NLN: variants seen among roughly 807,000 people sequenced by gnomAD.
NLN encodes the protein neurolysin.
NLN carries 64 observed loss-of-function variants against 79.9 expected under a neutral mutation model. The ratio of observed to expected loss-of-function variants is 0.80; its 90% CI spans 0.65 to 0.99. The LOEUF (loss-of-function observed/expected upper bound fraction) is 0.99, where lower values mean the gene tolerates loss of function less well. Ranked by LOEUF, NLN falls within the 50% of genes least tolerant of loss-of-function variation. NLN has a pLI of 0.00. For synonymous variants in NLN, 267 were observed against 296.6 expected, an observed-to-expected ratio of 0.90 and a Z score of 1.02; for missense variants, 835 against 858.7, an observed-to-expected ratio of 0.97 and a Z score of 0.34.
intron 1 of NLN, among the ~76,000 whole-genome samples, chr5:65,723,517 T>A (rs1758369170): frequency 6.6e-6 from 1 of 152,034 alleles, no homozygotes; most frequent in Non-Finnish European, 1.5e-5. Context: ...TAAATCTTCA[T>A]ATAAGAGCAA....
intron 2 of NLN, among the ~76,000 whole-genome samples, chr5:65,762,732 C>G (rs776072598): frequency 3.3e-5 from 5 of 151,886 alleles, no homozygotes; most frequent in Non-Finnish European, 7.4e-5. Context: ...CCCCAGTATA[C>G]TTTGATAAGT....
Position 65,782,450 on chromosome 5 carries a change from A to C in NLN, c.822+1029A>C, listed in dbSNP as rs559818311. ...GTCAAAATAACTATACCCAAATATCACTTTTGGTCATAGTTCTTAAACTTG... is the reference window on the plus strand; with the variant it reads ...GTCAAAATAACTATACCCAAATATCCCTTTTGGTCATAGTTCTTAAACTTG... On this transcript the variant is annotated intron_variant, in intron 6 of 12. Transcript: ENST00000380985. 2.2e-3 allele frequency among the ~76,000 whole-genome samples: 336 copies of C among 152,338 alleles called. 2 individuals carry two copies. Among genetic ancestry groups the C allele is most frequent in the African/African-American group, 7.4e-3 (306 of 41,574 alleles).
At chr5:65,772,819 C>T (rs1296029089) in intron 3 of NLN, among the ~76,000 whole-genome samples, 1 of 151,680 alleles carries the variant, frequency 6.6e-6, no homozygotes, top group Non-Finnish European at 1.5e-5. Context: ...CAACCTCTGC[C>T]TCCCAGGCTC....
chr5:65,781,937 A>G (rs746115055), intron 6 of NLN, among the ~76,000 whole-genome samples: 1 of 152,168 alleles, frequency 6.6e-6, no homozygotes, highest in Non-Finnish European at 1.5e-5. Context: ...CCAGCAAACT[A>G]TAAAAGGAAG....
intron 9 of NLN, among the ~76,000 whole-genome samples, chr5:65,797,896 C>T (rs1760204575): frequency 1.3e-5 from 2 of 152,178 alleles, no homozygotes; most frequent in East Asian, 1.9e-4. Flanking sequence ...GAAACCCTCA[C>T]GTTTGTATTT....
intron 7 of NLN, chr5:65,786,174 A>G (rs1048741114): frequency 1.8e-5 from 5 of 276,100 alleles, no homozygotes; most frequent in African/African-American, 1.1e-4. Flanking sequence ...TGTAGGTTCT[A>G]ACAGAGAGTT....
chr5:65,728,950 C>CCTCCCACTT (rs1300007390), intron 1 of NLN, among the ~76,000 whole-genome samples: 1 of 152,044 alleles, frequency 6.6e-6, no homozygotes, highest in African/African-American at 2.4e-5. Flanking sequence ...CTCAAACGAT[C>CCTCCCACTT]CTCCCACTTC....
In NLN at chr5:65,788,132, A is replaced by C; in HGVS notation, c.973A>C (p.Lys325Gln). Residue 325 changes from lysine (K) to glutamine (Q), a missense_variant, in exon 8 of 13, where the codon AAG becomes CAG. By Grantham distance (53) the Lys-to-Gln change is moderately conservative. Transcript: ENST00000380985. ...TTTCCTTACAGATGATTTAAGCCAGAAGTTAAAACCCTTGGGTGAAGCAGA... is the reference window on the plus strand; with the variant it reads ...TTTCCTTACAGATGATTTAAGCCAGCAGTTAAAACCCTTGGGTGAAGCAGA... ...VTAFLDDLSQ[K>Q]LKPLGEAERE... 6.2e-7 allele frequency: 1 copy of C among 1,612,678 alleles called. No homozygotes were observed.
chr5:65,781,275 G>A lies in NLN; in HGVS notation c.676G>A (p.Asp226Asn). The A allele has an allele frequency of 6.2e-7, 1 of 1,606,468 alleles. No homozygotes were observed. The highest frequency in any genetic ancestry group is 8.5e-7 in the Non-Finnish European group (1 of 1,176,366). Residue 226 changes from aspartate to asparagine, a missense_variant, in exon 6 of 13, where the codon GAT becomes AAT. By Grantham distance (23) the Asp-to-Asn change is conservative. Transcript: ENST00000380985. ...ATTTTTTGCAGGTGCTCTTCCTGAT[G>A]ATTTCATTGACAGTTTAGAAAAGAC... ...SKAELGALPD[D>N]FIDSLEKTDD...
chr5:65,819,232 G>A (rs1230200699), intron 12 of NLN, among the ~76,000 whole-genome samples: 1 of 152,178 alleles, frequency 6.6e-6, no homozygotes, highest in African/African-American at 2.4e-5. Context: ...CTGAGCTGGG[G>A]CAGTGTGAAA....
rs1760835131 is a variant in NLN at position 65,822,992 on chromosome 5, G to T, written c.*77G>T. 8.3e-7 allele frequency: 1 copy of T among 1,200,970 alleles called. No homozygotes were observed. The highest frequency in any genetic ancestry group is 1.4e-5 in the South Asian group (1 of 71,500). The allele number at this position is 1,200,970 out of a possible 1,614,324, so 74.4% of individuals were successfully genotyped here. On this transcript the variant is annotated 3_prime_UTR_variant, in exon 13 of 13. Coordinates refer to ENST00000380985, the MANE Select transcript of NLN (RefSeq NM_020726.5). ...ATGTGTTACTGGCCTGGAAACTGAA[G>T]GGAGTTTTGCAAGTGAAAATTTAGA...
rs529715816 is a variant in NLN, at chr5:65,826,900, TTAAAA to T, written c.*3996_*4000del. On this transcript the variant is annotated 3_prime_UTR_variant, in exon 13 of 13. Coordinates refer to ENST00000380985, the MANE Select transcript of NLN (RefSeq NM_020726.5). ...CAGCCTGGGTGACAGAGACCCTGTC[TTAAAA>T]TAAAATAAAAAAAAAAGGAAAAGGA... The T allele has an allele frequency of 8.5e-4, 129 of 151,862 alleles. No homozygotes were observed. The highest frequency in any genetic ancestry group is 2.9e-3 in the African/African-American group (122 of 41,374). 9.4% of individuals were successfully genotyped at this position (151,862 alleles called of 1,614,324 possible).
chr5:65,810,141 A>G lies in NLN; in HGVS notation c.1819A>G (p.Ile607Val). ...TGAATATGCCAAATACTGCTCAGAA[A>G]TATTAGGAGTTGCAGCTACTCCAGG... is the stretch of plus-strand genomic sequence containing the variant. ...ASEYAKYCSE[I>V]LGVAATPGTN... is the part of the protein sequence containing the mutation. The change falls in exon 11 of 13, where the codon ATA (isoleucine) becomes GTA (valine). Residue 607 changes from isoleucine to valine, a missense_variant. Ile to Val is a conservative substitution (Grantham distance 29). Transcript: ENST00000380985. 1 of 1,614,032 alleles carries G rather than the reference A, an allele frequency of 6.2e-7. No individual in the cohort carries two copies. The highest frequency in any genetic ancestry group is 1.1e-5 in the South Asian group (1 of 91,084).
At chr5:65,780,031 A>G (rs252648) in intron 4 of NLN, 148 bp from the exon 5 acceptor site, 294,848 of 510,392 alleles carry the variant, frequency 0.58, 86,782 homozygotes, top group Middle Eastern at 0.62. Context: ...TCACCATGTT[A>G]GCCAGGCTGG....
intron 8 of NLN, among the ~76,000 whole-genome samples, chr5:65,790,920 C>A (rs1228465066): frequency 6.6e-6 from 1 of 152,112 alleles, no homozygotes; most frequent in Non-Finnish European, 1.5e-5. Context: ...GTCTCACTGC[C>A]AGGATATAAT....
At chr5:65,766,035 G>A (rs1229912060) in intron 3 of NLN, among the ~76,000 whole-genome samples, 1 of 152,162 alleles carries the variant, frequency 6.6e-6, no homozygotes, top group Non-Finnish European at 1.5e-5. Flanking sequence ...GCCTGAAATA[G>A]CAACCGTCAT....
Position 65,781,517 on chromosome 5 carries a change from A to C in NLN, c.822+96A>C. The C allele has an allele frequency of 3.4e-6, 3 of 881,534 alleles. No individual in the cohort carries two copies. The South Asian group carries it at 4.3e-5, about 13-fold the overall frequency. The allele number at this position is 881,534 out of a possible 1,614,324, so 54.6% of individuals were successfully genotyped here. On this transcript the variant is annotated intron_variant, in intron 6 of 12. Coordinates refer to ENST00000380985, the MANE Select transcript of NLN (RefSeq NM_020726.5). ...AGTGTCAAAGTCAGCTCAGAGACTGATATTCCTGTGTGTGCACTGTATCTC... is the reference window on the plus strand; with the variant it reads ...AGTGTCAAAGTCAGCTCAGAGACTGCTATTCCTGTGTGTGCACTGTATCTC...
At chr5:65,774,838 C>T (rs573123691) in intron 3 of NLN, among the ~76,000 whole-genome samples, 1 of 151,914 alleles carries the variant, frequency 6.6e-6, no homozygotes, top group Non-Finnish European at 1.5e-5. Flanking sequence ...GATTCTTCTG[C>T]CTCAGCCTCC....
At chr5:65,758,092 C>T (rs965369428) in intron 1 of NLN, among the ~76,000 whole-genome samples, 3 of 151,900 alleles carry the variant, frequency 2.0e-5, no homozygotes, top group Non-Finnish European at 4.4e-5. Flanking sequence ...AAAATTAGCT[C>T]GGCATGGTGG....
Sources: gnomAD v4.1 joint callset for allele counts (sites outside exome capture counted in the v4.1 genomes callset) on GRCh38, gnomAD v4.1.1 for gene constraint, MANE v1.5 for transcripts, NCBI Gene and HGNC (gene_info 2026-07-23, HGNC 2026-07-21) for gene names.